Variants in NDUFS4 observed in about 807,000 individuals in gnomAD.
NDUFS4 encodes the protein NADH:ubiquinone oxidoreductase subunit S4.
Under a neutral mutation model 24.3 loss-of-function variants are expected in NDUFS4, and 28 were observed. That is an observed-to-expected ratio of 1.15 (90% CI 0.85 to 1.58). The LOEUF (loss-of-function observed/expected upper bound fraction) is 1.58, where lower values mean the gene tolerates loss of function less well. Ranked by LOEUF, NDUFS4 falls within the 40% of genes most tolerant of loss-of-function variation. The pLI is 0.00. For synonymous variants in NDUFS4, 93 were observed against 69.7 expected, an observed-to-expected ratio of 1.34 and a Z score of -1.67; for missense variants, 223 against 207.9, an observed-to-expected ratio of 1.07 and a Z score of -0.45.
At chr5:53,662,137 C>T (rs925128841) in intron 4 of NDUFS4, among the ~76,000 whole-genome samples, 17 of 152,152 alleles carry the variant, frequency 1.1e-4, no homozygotes, top group Non-Finnish European at 2.1e-4. Context: ...GTGGGTTTGT[C>T]ATAGATAGCT....
chr5:53,673,064 A>T (rs934266007), intron 4 of NDUFS4, among the ~76,000 whole-genome samples: 1 of 152,192 alleles, frequency 6.6e-6, no homozygotes. Flanking sequence ...GCAAAGCAGT[A>T]CAAGGACTCA....
At chr5:53,623,693 T>C (rs1292952208) in intron 2 of NDUFS4, among the ~76,000 whole-genome samples, 2 of 151,892 alleles carry the variant, frequency 1.3e-5, no homozygotes, top group Admixed American at 6.6e-5. Flanking sequence ...AGCTCTTCCA[T>C]TGAGGTCTTT....
rs575404371 is a variant in NDUFS4, at chr5:53,671,561, A to T, written c.425-11557A>T. On this transcript the variant is annotated intron_variant, in intron 4 of 4. Coordinates refer to ENST00000296684, the MANE Select transcript of NDUFS4 (RefSeq NM_002495.4). ...TTAATGATAACGTTTCTTTGTAAAG[A>T]GACGAATATCATCTGGGGTTTCCTC... Among the ~76,000 whole-genome samples, 11 of 152,346 alleles carry T rather than the reference A, an allele frequency of 7.2e-5. No individual in the cohort carries two copies. In the East Asian group the frequency reaches 1.5e-3, roughly 21 times the overall value.
Position 53,683,275 on chromosome 5 carries a change from T to C in NDUFS4, c.*54T>C. ...TGTGAATAAAGTCAGCTGTGCAGTA[T>C]TTATAGTCCATGTATAATAAATACA... On this transcript the variant is annotated 3_prime_UTR_variant, in exon 5 of 5. Coordinates refer to ENST00000296684, the MANE Select transcript of NDUFS4 (RefSeq NM_002495.4). The C allele has an allele frequency of 8.2e-7, 1 of 1,226,198 alleles. No homozygotes were observed. The highest frequency in any genetic ancestry group is 1.2e-6 in the Non-Finnish European group (1 of 827,194). The allele number at this position is 1,226,198 out of a possible 1,614,324, so 76.0% of individuals were successfully genotyped here. A position where few individuals can be genotyped will look rare whatever the true frequency, so the allele number is the denominator to read the frequency against.
chr5:53,592,012 C>A (rs1253003536), intron 1 of NDUFS4, among the ~76,000 whole-genome samples: 1 of 151,994 alleles, frequency 6.6e-6, no homozygotes, highest in African/African-American at 2.4e-5. Flanking sequence ...AATCTTGGCT[C>A]ACTGTAACCT....
intron 2 of NDUFS4, among the ~76,000 whole-genome samples, chr5:53,630,017 A>G (rs1172927025): frequency 1.3e-5 from 2 of 152,136 alleles, no homozygotes; most frequent in Admixed American, 6.6e-5. Context: ...GTCTGGTACC[A>G]GTTGTTCCTT....
chr5:53,649,924 G>A (rs745873905), intron 3 of NDUFS4, among the ~76,000 whole-genome samples: 6 of 152,050 alleles, frequency 3.9e-5, no homozygotes, highest in Admixed American at 2.0e-4. Context: ...AGCATTTTTC[G>A]TGTTCATTGG....
intron 2 of NDUFS4, among the ~76,000 whole-genome samples, chr5:53,617,616 C>A (rs1461919642): frequency 6.6e-6 from 1 of 152,068 alleles, no homozygotes; most frequent in East Asian, 1.9e-4. Context: ...CTCTCACTTT[C>A]CCAAAATGAC....
At chr5:53,576,233 G>C (rs559683847) in intron 1 of NDUFS4, among the ~76,000 whole-genome samples, 1 of 152,300 alleles carries the variant, frequency 6.6e-6, no homozygotes, top group East Asian at 1.9e-4. Context: ...ACAGTGTTTT[G>C]TTTATACTCG....
At chr5:53,581,988 G>A (rs1036852209) in intron 1 of NDUFS4, among the ~76,000 whole-genome samples, 1 of 152,084 alleles carries the variant, frequency 6.6e-6, no homozygotes, top group Non-Finnish European at 1.5e-5. Context: ...GAGGCAGGTG[G>A]ATCATGAGGT....
rs1750341840 is a variant in NDUFS4, at chr5:53,602,119, C to G, written c.99-1333C>G. Among the ~76,000 whole-genome samples the G allele has an allele frequency of 2.6e-5, 4 of 152,112 alleles. No individual in the cohort carries two copies. The South Asian group carries it at 8.3e-4, about 31-fold the overall frequency. ...ATAACATTTTCTGATATTTCAGATT[C>G]TCATGAGTTCACTTATCATTACCCA... On this transcript the variant is annotated intron_variant, in intron 1 of 4. Transcript: ENST00000296684.
At chr5:53,666,003 A>G (rs534299309) in intron 4 of NDUFS4, among the ~76,000 whole-genome samples, 1 of 152,346 alleles carries the variant, frequency 6.6e-6, no homozygotes, top group East Asian at 1.9e-4. Context: ...AAAACTTTTT[A>G]AAAAGAGGTT....
intron 2 of NDUFS4, among the ~76,000 whole-genome samples, chr5:53,620,284 CAG>C (rs879674673): frequency 9.9e-5 from 15 of 152,148 alleles, no homozygotes; most frequent in African/African-American, 3.4e-4. Context: ...GACTCTGACA[CAG>C]GGGGCATGTA....
At chr5:53,574,184 G>GT (rs1749313244) in intron 1 of NDUFS4, among the ~76,000 whole-genome samples, 1 of 152,156 alleles carries the variant, frequency 6.6e-6, no homozygotes, top group Non-Finnish European at 1.5e-5. Flanking sequence ...AAAGCATTCA[G>GT]TTTTTCACCT....
intron 1 of NDUFS4, among the ~76,000 whole-genome samples, chr5:53,594,481 C>T (rs538864157): frequency 3.9e-5 from 6 of 151,950 alleles, no homozygotes; most frequent in South Asian, 2.1e-4. Context: ...TAATCTACTC[C>T]GATAACTCTC....
chr5:53,592,112 G>A (rs982590056), intron 1 of NDUFS4, among the ~76,000 whole-genome samples: 2 of 151,938 alleles, frequency 1.3e-5, no homozygotes, highest in African/African-American at 2.4e-5. Context: ...CGAATTTTTT[G>A]TATTTTTAGT....
chr5:53,637,667 AC>A (rs368286689), intron 2 of NDUFS4, among the ~76,000 whole-genome samples: 150 of 152,234 alleles, frequency 9.9e-4, no homozygotes, highest in African/African-American at 3.5e-3. Context: ...AACATTAAAG[AC>A]CCACAATGTT....
Position 53,612,611 on chromosome 5 carries a change from G to T in NDUFS4, c.177+9081G>T, listed in dbSNP as rs1164327085. On this transcript the variant is annotated intron_variant, in intron 2 of 4. Transcript: ENST00000296684. ...GTCAGTATTCTGAATGTTGCCAATT[G>T]GTTGTATTTTGCTACTTGAAAATTT... 2.0e-5 allele frequency among the ~76,000 whole-genome samples: 3 copies of T among 152,000 alleles called. No homozygotes were observed. The East Asian group carries it at 5.8e-4, about 29-fold the overall frequency.
intron 3 of NDUFS4, among the ~76,000 whole-genome samples, chr5:53,648,392 A>T (rs549659140): frequency 6.6e-6 from 1 of 152,222 alleles, no homozygotes; most frequent in African/African-American, 2.4e-5. Context: ...ATGGAGGAAC[A>T]TTTGGCTTCC....
Sources: gnomAD v4.1 joint callset for allele counts (sites outside exome capture counted in the v4.1 genomes callset) on GRCh38, gnomAD v4.1.1 for gene constraint, MANE v1.5 for transcripts, NCBI Gene and HGNC (gene_info 2026-07-23, HGNC 2026-07-21) for gene names.